The following ANTXR1 variants were observed in gnomAD, a reference collection of about 807,000 sequenced individuals.
The protein encoded by ANTXR1 is anthrax toxin receptor 1.
A neutral mutation model predicts 78.1 loss-of-function variants in ANTXR1; 19 were observed. That is an observed-to-expected ratio of 0.24 (90% CI 0.17 to 0.36). The LOEUF (loss-of-function observed/expected upper bound fraction) is 0.36, where lower values mean the gene tolerates loss of function less well. Among genes scored for constraint, ANTXR1 ranks in the 10% least tolerant of loss-of-function variants. ANTXR1 has a pLI of 1.00. For missense variants in ANTXR1, 518 were observed against 718.6 expected, an observed-to-expected ratio of 0.72 and a Z score of 3.19; for synonymous variants, 273 against 260.5, an observed-to-expected ratio of 1.05 and a Z score of -0.46.
intron 14 of ANTXR1, among the ~76,000 whole-genome samples, chr2:69,178,647 C>T (rs1674194911): frequency 6.6e-6 from 1 of 152,160 alleles, no homozygotes; most frequent in Non-Finnish European, 1.5e-5. Flanking sequence ...GCGGGGAAAC[C>T]GGCTTCATGC....
intron 12 of ANTXR1, among the ~76,000 whole-genome samples, chr2:69,148,633 T>C (rs1456151208): frequency 6.6e-6 from 1 of 152,208 alleles, no homozygotes; most frequent in Non-Finnish European, 1.5e-5. Flanking sequence ...TGTTAGTACA[T>C]AGAACACTGC....
chr2:69,170,933 T>C (rs553520944), intron 14 of ANTXR1, among the ~76,000 whole-genome samples: 1 of 152,320 alleles, frequency 6.6e-6, no homozygotes, highest in African/African-American at 2.4e-5. Context: ...AGTGGAGGCA[T>C]TAAAGGCTAA....
Position 69,113,208 on chromosome 2 carries a change from C to T in ANTXR1, c.803-9809C>T, listed in dbSNP as rs192989786. ...CCTTCCCCCTAGTCCTGCTGTCCTG[C>T]GGGGGTAAGTTGGCATCCCCCTCTA... On this transcript the variant is annotated intron_variant, in intron 10 of 17. Coordinates refer to ENST00000303714, the MANE Select transcript of ANTXR1 (RefSeq NM_032208.3). Among the ~76,000 whole-genome samples, 416 of 152,214 alleles carry T rather than the reference C, an allele frequency of 2.7e-3. 9 individuals carry two copies. Among genetic ancestry groups the T allele is most frequent in the East Asian group, 2.1e-3 (11 of 5,170 alleles).
intron 10 of ANTXR1, among the ~76,000 whole-genome samples, chr2:69,114,479 C>A (rs965761817): frequency 1.5e-4 from 23 of 152,200 alleles, no homozygotes; most frequent in African/African-American, 5.5e-4. Context: ...GGAATGGACT[C>A]ATGGTCCCTC....
Position 69,013,714 on chromosome 2 carries a change from GC to G in ANTXR1, c.152+65del. 6.4e-6 allele frequency: 10 copies of G among 1,550,976 alleles called. No homozygotes were observed. The highest frequency in any genetic ancestry group is 8.7e-6 in the Non-Finnish European group (10 of 1,146,612). ...GCGGGCGAAAACGCTTTCGCCCCGG[GC>G]CGGGCTCGTTGGCAGGGTCGCCTGG... On this transcript the variant is annotated intron_variant, in intron 1 of 17. Coordinates refer to ENST00000303714, the MANE Select transcript of ANTXR1 (RefSeq NM_032208.3). This position sits in a 1 kb window ranked among gnomAD's most constrained non-coding sequence, Gnocchi z 5.0.
intron 10 of ANTXR1, among the ~76,000 whole-genome samples, chr2:69,116,734 C>T (rs1488467566): frequency 2.6e-5 from 4 of 152,160 alleles, no homozygotes; most frequent in Admixed American, 6.5e-5. Context: ...CACACCCTCC[C>T]GCTGCCTCCA....
In ANTXR1 at chr2:69,013,838, C is replaced by T. The variant is rs1015821125; in HGVS notation, c.152+187C>T. On this transcript the variant is annotated intron_variant, in intron 1 of 17. Transcript: ENST00000303714. The surrounding 1 kb of genome is among the most constrained non-coding windows in gnomAD (Gnocchi z 5.0). ...GGGCGCGCTCCTCCCAGCCTCGGCT[C>T]CAGAGCCCGCAGCCGAGGCGACGCC... Among the ~76,000 whole-genome samples, 1 of 152,324 alleles carries T rather than the reference C, an allele frequency of 6.6e-6. No individual in the cohort carries two copies. Among genetic ancestry groups the T allele is most frequent in the East Asian group, 1.9e-4 (1 of 5,158 alleles).
chr2:69,163,227 T>C (rs1673730704), intron 13 of ANTXR1, among the ~76,000 whole-genome samples: 1 of 152,118 alleles, frequency 6.6e-6, no homozygotes, highest in African/African-American at 2.4e-5. Context: ...GGGAGATGGC[T>C]ATGACTCAGC....
chr2:69,192,302 C>T (rs1044653906), intron 16 of ANTXR1, among the ~76,000 whole-genome samples: 8 of 152,144 alleles, frequency 5.3e-5, no homozygotes, highest in African/African-American at 7.2e-5. Flanking sequence ...GAGCTGTTTT[C>T]CTTTTGGAGA....
chr2:69,151,287 T>A (rs1332305241), intron 12 of ANTXR1, among the ~76,000 whole-genome samples: 1 of 147,784 alleles, frequency 6.8e-6, no homozygotes, highest in East Asian at 2.1e-4. Flanking sequence ...GAATAGCCAG[T>A]TCTATGCAGA....
chr2:69,160,691 C>T (rs1489900738), intron 13 of ANTXR1, among the ~76,000 whole-genome samples: 1 of 152,184 alleles, frequency 6.6e-6, no homozygotes, highest in African/African-American at 2.4e-5. Flanking sequence ...GTTTTAAAGA[C>T]ATCCTTAAAC....
intron 10 of ANTXR1, among the ~76,000 whole-genome samples, chr2:69,110,964 C>CA (rs944019069): frequency 6.6e-6 from 1 of 152,138 alleles, no homozygotes; most frequent in South Asian, 2.1e-4. Flanking sequence ...AAAATGTTAA[C>CA]AGCCATCACC....
chr2:69,126,832 T>A (rs1573910855), intron 12 of ANTXR1, among the ~76,000 whole-genome samples: 1 of 152,306 alleles, frequency 6.6e-6, no homozygotes, highest in South Asian at 2.1e-4. Flanking sequence ...ACATCTTACA[T>A]CTCCCTCATC....
At chr2:69,163,624 C>T (rs1673745275) in intron 13 of ANTXR1, among the ~76,000 whole-genome samples, 1 of 152,164 alleles carries the variant, frequency 6.6e-6, no homozygotes, top group South Asian at 2.1e-4. Context: ...ATTTTTCGAA[C>T]CAGGACACAC....
At chr2:69,155,510 T>C (rs1346626297) in intron 13 of ANTXR1, among the ~76,000 whole-genome samples, 1 of 152,214 alleles carries the variant, frequency 6.6e-6, no homozygotes, top group Non-Finnish European at 1.5e-5. Context: ...CCACTCCAGC[T>C]ACTCATAAGT....
intron 17 of ANTXR1, among the ~76,000 whole-genome samples, chr2:69,223,176 T>C (rs1410433543): frequency 6.6e-6 from 1 of 151,982 alleles, no homozygotes; most frequent in Admixed American, 6.6e-5. Flanking sequence ...GCCCAGGACT[T>C]GAGATCACTT....
intron 13 of ANTXR1, among the ~76,000 whole-genome samples, chr2:69,168,553 T>A (rs192010347): frequency 6.6e-6 from 1 of 152,300 alleles, no homozygotes; most frequent in East Asian, 1.9e-4. Context: ...TCTCAACATC[T>A]GTCTCTTCCC....
At chr2:69,056,849 A>G (rs1182121973) in intron 3 of ANTXR1, among the ~76,000 whole-genome samples, 1 of 151,508 alleles carries the variant, frequency 6.6e-6, no homozygotes, top group African/African-American at 2.4e-5. Context: ...AAATTTTTTT[A>G]TTTTATTTTA....
At chr2:69,129,692 A>G (rs1026883717) in intron 12 of ANTXR1, among the ~76,000 whole-genome samples, 3 of 152,020 alleles carry the variant, frequency 2.0e-5, no homozygotes, top group Non-Finnish European at 4.4e-5. Context: ...CAGAGGTTAC[A>G]GTGAGCCGAG....
Sources: gnomAD v4.1 joint callset for allele counts (sites outside exome capture counted in the v4.1 genomes callset) on GRCh38, gnomAD v4.1.1 for gene constraint, Gnocchi (gnomAD v3.1) non-coding constraint, MANE v1.5 for transcripts, NCBI Gene and HGNC (gene_info 2026-07-23, HGNC 2026-07-21) for gene names.